NAV1: variants seen among roughly 807,000 people sequenced by gnomAD.
NAV1 encodes the protein pore membrane and/or filament interacting like protein 3.
NAV1 carries 18 observed loss-of-function variants against 175.2 expected under a neutral mutation model. The ratio of observed to expected loss-of-function variants is 0.10; its 90% CI spans 0.07 to 0.15. NAV1 has a LOEUF of 0.15. Among genes scored for constraint, NAV1 ranks in the 10% least tolerant of loss-of-function variants. The pLI is 1.00. For synonymous variants in NAV1, 897 were observed against 978.7 expected, an observed-to-expected ratio of 0.92 and a Z score of 1.56; for missense variants, 1,731 against 2,436.6, an observed-to-expected ratio of 0.71 and a Z score of 6.10.
intron 1 of NAV1, among the ~76,000 whole-genome samples, chr1:201,545,821 G>A (rs144735274): frequency 3.3e-5 from 5 of 152,346 alleles, no homozygotes; most frequent in Admixed American, 6.5e-5. Context: ...ATAAAGGAAC[G>A]AGTCTGACTG....
At chr1:201,667,848 G>A (rs1331979304) in intron 1 of NAV1, among the ~76,000 whole-genome samples, 2 of 152,224 alleles carry the variant, frequency 1.3e-5, no homozygotes, top group Non-Finnish European at 2.9e-5. Flanking sequence ...ATGGCTGAGG[G>A]TGGTGGTTGA....
rs1326801829 is a variant in NAV1 at position 201,807,550 on chromosome 1, T to C, written c.3649-403T>C. ...TGTATACCATGTGACCTCTGGGACC[T>C]TCTCTCTGTCCCCATCAGGGGCACA... On this transcript the variant is annotated intron_variant, in intron 17 of 29. Coordinates refer to ENST00000367296, the Ensembl canonical transcript of NAV1. This position sits in a 1 kb window ranked among gnomAD's most constrained non-coding sequence, Gnocchi z 5.4. Among the ~76,000 whole-genome samples the C allele has an allele frequency of 2.0e-5, 3 of 152,210 alleles. No individual in the cohort carries two copies. The highest frequency in any genetic ancestry group is 4.8e-5 in the African/African-American group (2 of 41,456).
At chr1:201,585,645 G>A (rs150608441) in intron 1 of NAV1, among the ~76,000 whole-genome samples, 97 of 152,032 alleles carry the variant, frequency 6.4e-4, no homozygotes, top group Admixed American at 3.0e-3. Context: ...TTTTTAAATG[G>A]GAAAATGACT....
chr1:201,547,618 C>T (rs1317285399), intron 1 of NAV1, among the ~76,000 whole-genome samples: 1 of 152,134 alleles, frequency 6.6e-6, no homozygotes, highest in Non-Finnish European at 1.5e-5. Flanking sequence ...CTCCATTTTA[C>T]TGGTTAGGAA....
chr1:201,797,994 T>C (rs887858330), intron 15 of NAV1: 1 of 152,214 alleles, frequency 6.6e-6, no homozygotes, highest in African/African-American at 2.4e-5. Flanking sequence ...ATCTCTAACT[T>C]AATATGTCCA....
At chr1:201,654,368 A>G (rs1270360168) in intron 1 of NAV1, among the ~76,000 whole-genome samples, 1 of 151,800 alleles carries the variant, frequency 6.6e-6, no homozygotes, top group East Asian at 1.9e-4. Flanking sequence ...CCAATTTGAT[A>G]CTGTGGCTGC....
chr1:201,592,739 G>A (rs1007908768), intron 2 of NAV1, among the ~76,000 whole-genome samples: 22 of 152,078 alleles, frequency 1.4e-4, no homozygotes, highest in Admixed American at 1.4e-3. Context: ...GAAAAGCACA[G>A]GTCTTGGGGT....
At chr1:201,811,563 T>C (rs767843644) in intron 24 of NAV1, 40 bp from the exon 29 acceptor site, 7 of 1,613,248 alleles carry the variant, frequency 4.3e-6, no homozygotes, top group Non-Finnish European at 5.9e-6. Context: ...ATCCAGCTGC[T>C]TATTCCCAAG....
rs574058669 is a variant in NAV1, at chr1:201,673,675, A to C, written c.757+24250A>C. ...GAGAGGGCAGAAGAGTTCAAGACCC[A>C]GATCGTTAACAAGGGAAGGCACAGG... On this transcript the variant is annotated intron_variant, in intron 1 of 29. Transcript: ENST00000367296. Among the ~76,000 whole-genome samples the C allele has an allele frequency of 2.2e-4, 34 of 152,308 alleles. No homozygotes were observed. In the South Asian group the frequency reaches 6.0e-3, roughly 27 times the overall value.
intron 3 of NAV1, among the ~76,000 whole-genome samples, chr1:201,733,026 A>G (rs1009164882): frequency 1.3e-5 from 2 of 151,818 alleles, no homozygotes; most frequent in African/African-American, 2.4e-5. Context: ...AGCTGAGATC[A>G]TACCACTGTA....
At chr1:201,580,475 A>G (rs1029340440) in intron 1 of NAV1, among the ~76,000 whole-genome samples, 1 of 152,210 alleles carries the variant, frequency 6.6e-6, no homozygotes. Flanking sequence ...CCAAGTATTT[A>G]GAACATGAGG....
At chr1:201,653,213 A>T (rs748916470) in intron 1 of NAV1, among the ~76,000 whole-genome samples, 4 of 152,192 alleles carry the variant, frequency 2.6e-5, no homozygotes, top group African/African-American at 4.8e-5. Flanking sequence ...GGACCTGAGG[A>T]TCTCAAAGCA....
rs1434726752 is a variant in NAV1 at position 201,754,819 on chromosome 1, C to T, written c.1227-25602C>T. ...TTTTGTCCTGTTATATTAACTAAACCAGTTTTTAAAAATAGGGAAATAATG... is the reference window on the plus strand; with the variant it reads ...TTTTGTCCTGTTATATTAACTAAACTAGTTTTTAAAAATAGGGAAATAATG... On this transcript the variant is annotated intron_variant, in intron 3 of 29. Coordinates refer to ENST00000367296, the Ensembl canonical transcript of NAV1. 5.3e-5 allele frequency among the ~76,000 whole-genome samples: 8 copies of T among 152,194 alleles called. No homozygotes were observed. The South Asian group carries it at 1.7e-3, about 32-fold the overall frequency.
At chr1:201,608,693 C>T (rs558000327) in intron 2 of NAV1, among the ~76,000 whole-genome samples, 43 of 148,830 alleles carry the variant, frequency 2.9e-4, no homozygotes, top group Admixed American at 1.4e-3. Context: ...AGCCTCACAG[C>T]TCATGGGACT....
chr1:201,675,779 T>G (rs1670224736), intron 1 of NAV1, among the ~76,000 whole-genome samples: 1 of 152,196 alleles, frequency 6.6e-6, no homozygotes, highest in Non-Finnish European at 1.5e-5. Context: ...CCCTAAACCC[T>G]GGCCTCCTGA....
At chr1:201,789,857 C>A (rs1037574979) in intron 11 of NAV1, 65 bp downstream of exon 15, 14 of 1,504,288 alleles carry the variant, frequency 9.3e-6, no homozygotes, top group Admixed American at 1.7e-5. Context: ...CTCCCTAGAA[C>A]CTCCTTGGAG....
chr1:201,820,100 T>C, exon 30 of NAV1: 1 of 635,644 alleles, frequency 1.6e-6, no homozygotes, highest in Non-Finnish European at 2.7e-6. Context: ...GCTGTACCTT[T>C]GAGAACTTCC....
In NAV1 at chr1:201,780,354, G is replaced by A. The variant is rs145085584; in HGVS notation, c.1227-67G>A. 2,159 of 1,593,366 alleles carry A rather than the reference G, an allele frequency of 1.4e-3. 1 individual carries two copies. The highest frequency in any genetic ancestry group is 1.2e-3 in the Non-Finnish European group (1,391 of 1,163,086). On this transcript the variant is annotated intron_variant, in intron 3 of 29. Coordinates refer to ENST00000367296, the Ensembl canonical transcript of NAV1. ...GGTGCAGAGCCATTCTTGCATCAAT[G>A]TGAAACATTTATTTTTTGCCTGGGC... is the stretch of plus-strand genomic sequence containing the variant.
chr1:201,639,021 A>G (rs1668679807), intron 2 of NAV1, among the ~76,000 whole-genome samples: 1 of 152,158 alleles, frequency 6.6e-6, no homozygotes, highest in Non-Finnish European at 1.5e-5. Flanking sequence ...GCGGTGTGCG[A>G]TGGGGTAGTC....
Sources: allele counts gnomAD v4.1 joint callset (sites outside exome capture counted in the v4.1 genomes callset), GRCh38; gene constraint gnomAD v4.1.1; non-coding constraint Gnocchi (gnomAD v3.1); transcripts MANE v1.5; gene names NCBI Gene and HGNC (gene_info 2026-07-23, HGNC 2026-07-21).